Variants in CTNNB1 observed in about 807,000 individuals in gnomAD.
The protein encoded by CTNNB1 is catenin beta 1.
CTNNB1 carries 6 observed loss-of-function variants against 82.5 expected under a neutral mutation model. The ratio of observed to expected loss-of-function variants is 0.07; its 90% CI spans 0.04 to 0.14. The LOEUF (loss-of-function observed/expected upper bound fraction) is 0.14, where lower values mean the gene tolerates loss of function less well. Ranked by LOEUF, CTNNB1 falls within the 10% of genes least tolerant of loss-of-function variation. The pLI is 1.00. For synonymous variants in CTNNB1, 312 were observed against 329.7 expected (o/e 0.95, Z 0.58); for missense variants, 529 against 980.4 (o/e 0.54, Z 6.15).
chr3:41,235,984 A>C lies in CTNNB1; in HGVS notation c.1803+141A>C, dbSNP rs536609038. The C allele has an allele frequency of 3.9e-5, 42 of 1,072,556 alleles. No individual in the cohort carries two copies. In the South Asian group the frequency reaches 5.5e-4, roughly 14 times the overall value. The allele number at this position is 1,072,556 out of a possible 1,614,324, so 66.4% of individuals were successfully genotyped here. A position where few individuals can be genotyped will look rare whatever the true frequency, so the allele number is the denominator to read the frequency against. ...TGAAAATTCCCTACATTTTTTGGTCAGTAAGAGAAACATTGAGACTTGAGA... is the reference window on the plus strand; with the variant it reads ...TGAAAATTCCCTACATTTTTTGGTCCGTAAGAGAAACATTGAGACTTGAGA... On this transcript the variant is annotated intron_variant, in intron 11 of 14. Coordinates refer to ENST00000349496, the MANE Select transcript of CTNNB1 (RefSeq NM_001904.4).
At chr3:41,214,899 A>C (rs2077879399) in intron 1 of CTNNB1, among the ~76,000 whole-genome samples, 3 of 152,216 alleles carry the variant, frequency 2.0e-5, no homozygotes, top group South Asian at 4.1e-4. Context: ...GTAAGTGTGC[A>C]TATTCTCTGG....
At position 41,204,950 on chromosome 3, in the gene CTNNB1, C is replaced by T. The variant is rs139023631; in HGVS notation, c.-49+5280C>T. ...TGATTATAGATTAGGAGCTTAAAAG[C>T]AAGATTTATATTATCAACTTATTTG... On this transcript the variant is annotated intron_variant, in intron 1 of 14. Transcript: ENST00000349496. 2.5e-3 allele frequency among the ~76,000 whole-genome samples: 380 copies of T among 152,260 alleles called. 16 individuals are homozygous for T. The highest frequency in any genetic ancestry group is 0.022 in the Admixed American group (340 of 15,294).
At chr3:41,212,843 T>G (rs890105484) in intron 1 of CTNNB1, among the ~76,000 whole-genome samples, 11 of 152,196 alleles carry the variant, frequency 7.2e-5, no homozygotes, top group African/African-American at 2.7e-4. Context: ...TATATCCAGT[T>G]CATCACATCA....
intron 7 of CTNNB1, among the ~76,000 whole-genome samples, chr3:41,230,481 A>C (rs147528433): frequency 3.3e-5 from 5 of 152,370 alleles, no homozygotes; most frequent in Non-Finnish European, 5.9e-5. Context: ...AATGTATTTT[A>C]AGAAATGGAA....
intron 1 of CTNNB1, among the ~76,000 whole-genome samples, chr3:41,209,275 T>C (rs1312712756): frequency 6.6e-6 from 1 of 152,246 alleles, no homozygotes; most frequent in African/African-American, 2.4e-5. Flanking sequence ...TACATCTGTT[T>C]GCTAACGATT....
intron 1 of CTNNB1, among the ~76,000 whole-genome samples, chr3:41,220,373 A>AAC (rs1170946976): frequency 1.3e-5 from 2 of 151,564 alleles, no homozygotes; most frequent in Non-Finnish European, 2.9e-5. Context: ...ACACCTTGAG[A>AAC]ACACACACAC....
chr3:41,227,574 T>C (rs1258493143), intron 7 of CTNNB1, among the ~76,000 whole-genome samples: 1 of 152,214 alleles, frequency 6.6e-6, no homozygotes, highest in African/African-American at 2.4e-5. Flanking sequence ...AATGATGGCA[T>C]ATGTTTTGCT....
At chr3:41,237,524 T>C (rs371925185) in intron 13 of CTNNB1, 1 of 152,372 alleles carries the variant, frequency 6.6e-6, no homozygotes, top group East Asian at 1.9e-4. Flanking sequence ...CTTATTAACA[T>C]GTTCCAACTT....
At chr3:41,224,278 C>T in intron 2 of CTNNB1, 197 bp downstream of exon 2, 1 of 749,126 alleles carries the variant, frequency 1.3e-6, no homozygotes, top group Non-Finnish European at 2.3e-6. Flanking sequence ...GTCTGGATGA[C>T]TGCTTCTGGA....
rs1360144788 is a variant in CTNNB1 at position 41,224,692 on chromosome 3, C to G, written c.180C>G (p.Ser60=). The change falls in exon 3 of 15, where the codon TCC becomes TCG. Residue 60 remains serine (S), a synonymous_variant. Transcript: ENST00000349496. ...CTGAGGAAGAGGATGTGGATACCTCCCAAGTCCTGTATGAGTGGGAACAGG... is the reference window on the plus strand; with the variant it reads ...CTGAGGAAGAGGATGTGGATACCTCGCAAGTCCTGTATGAGTGGGAACAGG... The part of the protein sequence containing the change: ...GNPEEEDVDT[S]QVLYEWEQGF... The G allele has an allele frequency of 6.2e-7, 1 of 1,613,948 alleles. No homozygotes were observed. Among genetic ancestry groups the G allele is most frequent in the South Asian group, 1.1e-5 (1 of 91,074 alleles).
chr3:41,238,131 T>G (rs2078484347), intron 14 of CTNNB1, 55 bp downstream of exon 14: 1 of 1,523,584 alleles, frequency 6.6e-7, no homozygotes, highest in East Asian at 2.2e-5. Context: ...TTCTAAAACT[T>G]TTATCAGAAG....
chr3:41,234,581 C>T (rs1364821983), intron 10 of CTNNB1: 2 of 437,950 alleles, frequency 4.6e-6, no homozygotes, highest in East Asian at 4.6e-5. Context: ...CACAAAGGCC[C>T]ACTTCCTTAG....
rs753607250 is a variant in CTNNB1, at chr3:41,225,868, G to T, written c.936+7G>T. ...TGGCAACCAAGAAAGCAAGGTAAGA[G>T]AATTATTCTTTATGTGGTTTTCATG... On this transcript the variant is annotated splice_region_variant and intron_variant, in intron 6 of 14. Transcript: ENST00000349496. This position sits in a 1 kb window ranked among gnomAD's most constrained non-coding sequence, Gnocchi z 5.3. 4 of 1,609,860 alleles carry T rather than the reference G, an allele frequency of 2.5e-6. No homozygotes were observed. Among genetic ancestry groups the T allele is most frequent in the African/African-American group, 1.3e-5 (1 of 74,814 alleles).
rs377098356 is a variant in CTNNB1 at position 41,207,643 on chromosome 3, T to G, written c.-49+7973T>G. Among the ~76,000 whole-genome samples the G allele has an allele frequency of 1.1e-4, 16 of 152,334 alleles. No homozygotes were observed. The South Asian group carries it at 2.9e-3, about 28-fold the overall frequency. On this transcript the variant is annotated intron_variant, in intron 1 of 14. Coordinates refer to ENST00000349496, the MANE Select transcript of CTNNB1 (RefSeq NM_001904.4). ...GTTACACTGGCTCTTCTGTTTTAAC[T>G]CTTATCCCCCAGACTCTAATCCTGT...
chr3:41,204,512 G>A (rs779766577), intron 1 of CTNNB1, among the ~76,000 whole-genome samples: 4 of 152,120 alleles, frequency 2.6e-5, no homozygotes, highest in Non-Finnish European at 5.9e-5. Flanking sequence ...TGTCTCCAGG[G>A]CCAGTTAGGT....
At chr3:41,231,667 C>G (rs1007631761) in intron 7 of CTNNB1, among the ~76,000 whole-genome samples, 5 of 152,136 alleles carry the variant, frequency 3.3e-5, no homozygotes, top group African/African-American at 1.2e-4. Flanking sequence ...TTATCAATAG[C>G]AAAGCATCAC....
intron 1 of CTNNB1, among the ~76,000 whole-genome samples, chr3:41,214,479 G>T (rs566043720): frequency 6.6e-6 from 1 of 151,850 alleles, no homozygotes; most frequent in East Asian, 1.9e-4. Flanking sequence ...GGCCTGAAAT[G>T]TTTTTCCCAA....
intron 7 of CTNNB1, among the ~76,000 whole-genome samples, chr3:41,228,733 G>A (rs1019292314): frequency 6.6e-6 from 1 of 151,986 alleles, no homozygotes; most frequent in Non-Finnish European, 1.5e-5. Flanking sequence ...TCTTTATACT[G>A]TCCCATTTGT....
chr3:41,210,269 A>T (rs889609484), intron 1 of CTNNB1, among the ~76,000 whole-genome samples: 2 of 152,112 alleles, frequency 1.3e-5, no homozygotes, highest in African/African-American at 4.8e-5. Flanking sequence ...CCTGGCTAAC[A>T]TGGTGAAACC....
Sources: gnomAD v4.1 joint callset for allele counts (sites outside exome capture counted in the v4.1 genomes callset) on GRCh38, gnomAD v4.1.1 for gene constraint, Gnocchi (gnomAD v3.1) non-coding constraint, MANE v1.5 for transcripts, NCBI Gene and HGNC (gene_info 2026-07-23, HGNC 2026-07-21) for gene names.